The following PLXDC2 variants were observed in gnomAD, a reference collection of about 807,000 sequenced individuals.
PLXDC2 encodes the protein plexin domain-containing protein 2.
A neutral mutation model predicts 68.9 loss-of-function variants in PLXDC2; 40 were observed. The ratio of observed to expected loss-of-function variants is 0.58; its 90% CI spans 0.45 to 0.76. The LOEUF (loss-of-function observed/expected upper bound fraction) is 0.76. Ranked by LOEUF, PLXDC2 falls within the 30% of genes least tolerant of loss-of-function variation. PLXDC2 has a pLI of 0.00. For missense variants in PLXDC2, 644 were observed against 661.9 expected (o/e 0.97, Z 0.30); for synonymous variants, 243 against 234.2 (o/e 1.04, Z -0.34).
At chr10:19,881,061 A>G (rs1837717558) in intron 1 of PLXDC2, among the ~76,000 whole-genome samples, 1 of 152,144 alleles carries the variant, frequency 6.6e-6, no homozygotes, top group South Asian at 2.1e-4. Flanking sequence ...GTTTTTTCCA[A>G]TATCCCAGTT....
In PLXDC2 at chr10:19,918,496, C is replaced by G. The variant is rs1003741235; in HGVS notation, c.113-83279C>G. Among the ~76,000 whole-genome samples, 4 of 152,170 alleles carry G rather than the reference C, an allele frequency of 2.6e-5. No homozygotes were observed. The South Asian group carries it at 8.3e-4, about 32-fold the overall frequency. ...GGGGCATGGAGGATCATGAGCTGACCGATCTTTTCTGACATCAAGTACATT... is the reference window on the plus strand; with the variant it reads ...GGGGCATGGAGGATCATGAGCTGACGGATCTTTTCTGACATCAAGTACATT... On this transcript the variant is annotated intron_variant, in intron 1 of 13. Coordinates refer to ENST00000377252, the MANE Select transcript of PLXDC2 (RefSeq NM_032812.9).
chr10:20,207,615 T>C (rs1302701190), intron 9 of PLXDC2, among the ~76,000 whole-genome samples: 2 of 152,218 alleles, frequency 1.3e-5, no homozygotes, highest in Non-Finnish European at 2.9e-5. Context: ...AGAATGTCAG[T>C]ACATTCTTCA....
At chr10:20,183,139 A>G (rs947428167) in intron 9 of PLXDC2, among the ~76,000 whole-genome samples, 16 of 152,008 alleles carry the variant, frequency 1.1e-4, no homozygotes, top group African/African-American at 3.6e-4. Flanking sequence ...TTGGGACAAG[A>G]TAAGTCTGAG....
intron 4 of PLXDC2, among the ~76,000 whole-genome samples, chr10:20,121,774 A>T (rs1350606200): frequency 6.6e-6 from 1 of 152,058 alleles, no homozygotes; most frequent in African/African-American, 2.4e-5. Flanking sequence ...AACTAACTTG[A>T]AAGGCTTGTC....
At chr10:20,206,598 G>A (rs572826895) in intron 9 of PLXDC2, among the ~76,000 whole-genome samples, 1 of 152,218 alleles carries the variant, frequency 6.6e-6, no homozygotes, top group African/African-American at 2.4e-5. Context: ...TGGGCTACAG[G>A]AGTGAGCAAG....
intron 1 of PLXDC2, among the ~76,000 whole-genome samples, chr10:19,991,760 C>A (rs767804300): frequency 2.0e-5 from 3 of 152,086 alleles, no homozygotes; most frequent in Non-Finnish European, 4.4e-5. Flanking sequence ...ATAGAAGGCC[C>A]TCGGTGATTT....
chr10:20,161,705 T>C (rs915577421), intron 6 of PLXDC2, among the ~76,000 whole-genome samples: 1 of 151,514 alleles, frequency 6.6e-6, no homozygotes, highest in African/African-American at 2.4e-5. Flanking sequence ...GATGGCTGGG[T>C]AAGGGAAGAA....
intron 4 of PLXDC2, among the ~76,000 whole-genome samples, chr10:20,129,843 CT>C (rs1474363228): frequency 6.6e-6 from 1 of 151,988 alleles, no homozygotes; most frequent in Non-Finnish European, 1.5e-5. Flanking sequence ...TAGGGCTGGG[CT>C]GTCTATTCTG....
intron 6 of PLXDC2, among the ~76,000 whole-genome samples, chr10:20,153,746 C>T (rs1279503191): frequency 6.6e-6 from 1 of 152,110 alleles, no homozygotes; most frequent in African/African-American, 2.4e-5. Context: ...ACCCAGAGAC[C>T]TTAAGTAACT....
chr10:20,218,912 T>C, intron 11 of PLXDC2, 152 bp from the exon 12 acceptor site: 1 of 764,090 alleles, frequency 1.3e-6, no homozygotes, highest in African/African-American at 1.8e-5. Flanking sequence ...AGCAAGGACT[T>C]GCTCTCATTG....
chr10:20,262,642 C>T (rs547221631), intron 13 of PLXDC2, among the ~76,000 whole-genome samples: 14 of 152,210 alleles, frequency 9.2e-5, no homozygotes, highest in East Asian at 3.9e-4. Context: ...AAGCGGGTAC[C>T]GAATCCCGTA....
At chr10:19,933,013 G>T (rs1467171822) in intron 1 of PLXDC2, among the ~76,000 whole-genome samples, 2 of 152,090 alleles carry the variant, frequency 1.3e-5, no homozygotes, top group African/African-American at 2.4e-5. Flanking sequence ...GAGAGGTTAG[G>T]TAATATTTTG....
At chr10:20,241,229 C>T (rs749972439) in intron 12 of PLXDC2, among the ~76,000 whole-genome samples, 1 of 152,106 alleles carries the variant, frequency 6.6e-6, no homozygotes, top group Non-Finnish European at 1.5e-5. Flanking sequence ...ATAAAGGTAG[C>T]GAGGTTTACC....
intron 3 of PLXDC2, among the ~76,000 whole-genome samples, chr10:20,061,137 G>C (rs770847243): frequency 1.3e-5 from 2 of 152,078 alleles, no homozygotes; most frequent in African/African-American, 2.4e-5. Flanking sequence ...ACAAATTCAC[G>C]TTGGTACTAT....
rs909626272 is a variant in PLXDC2 at position 19,927,268 on chromosome 10, T to C, written c.113-74507T>C. Among the ~76,000 whole-genome samples the C allele has an allele frequency of 2.0e-5, 3 of 152,030 alleles. No individual in the cohort carries two copies. In the East Asian group the frequency reaches 5.8e-4, roughly 29 times the overall value. On this transcript the variant is annotated intron_variant, in intron 1 of 13. Transcript: ENST00000377252. The stretch of plus-strand genomic sequence containing the variant: ...CAGGGTAGGTTATGAGTCACGGGCA[T>C]TGGGAGCACAGGAGAGGGAGTGACA...
At chr10:19,950,001 C>A (rs1833966590) in intron 1 of PLXDC2, among the ~76,000 whole-genome samples, 1 of 151,978 alleles carries the variant, frequency 6.6e-6, no homozygotes, top group African/African-American at 2.4e-5. Flanking sequence ...AAGTAGACAG[C>A]AAAGGAACAT....
At chr10:20,110,449 G>A (rs1186527936) in intron 4 of PLXDC2, among the ~76,000 whole-genome samples, 2 of 152,112 alleles carry the variant, frequency 1.3e-5, no homozygotes, top group African/African-American at 4.8e-5. Flanking sequence ...ATCAGAAATT[G>A]TCTCCTTATT....
intron 4 of PLXDC2, among the ~76,000 whole-genome samples, chr10:20,080,584 G>A (rs1026757562): frequency 6.6e-6 from 1 of 152,176 alleles, no homozygotes; most frequent in Non-Finnish European, 1.5e-5. Context: ...GAGTCAGCAA[G>A]TCAGCTTCTC....
At chr10:20,176,520 T>A (rs1236748504) in intron 7 of PLXDC2, among the ~76,000 whole-genome samples, 1 of 152,084 alleles carries the variant, frequency 6.6e-6, no homozygotes, top group Non-Finnish European at 1.5e-5. Flanking sequence ...TTAACTTCTG[T>A]TTTACTTTTA....
Sources: allele counts gnomAD v4.1 joint callset (sites outside exome capture counted in the v4.1 genomes callset), GRCh38; gene constraint gnomAD v4.1.1; transcripts MANE v1.5; gene names NCBI Gene and HGNC (gene_info 2026-07-23, HGNC 2026-07-21).